Variants in GREB1L observed in about 807,000 individuals in gnomAD.
GREB1L encodes GREB1 like retinoic acid receptor coactivator, also known as GREB1-like protein.
In GREB1L, 17 loss-of-function variants were observed where a neutral mutation model predicts 200.8. That is an observed-to-expected ratio of 0.08 (90% confidence interval 0.06 to 0.13). The LOEUF is 0.13. GREB1L is among the 10% of genes least tolerant of loss of function. GREB1L has a pLI of 1.00. For missense variants in GREB1L, 1,657 were observed against 2,367.7 expected (o/e 0.70, Z 6.23); for synonymous variants, 789 against 893.0 (o/e 0.88, Z 2.08).
At chr18:21,387,133 A>C (rs562737827) in intron 4 of GREB1L, among the ~76,000 whole-genome samples, 2 of 152,266 alleles carry the variant, frequency 1.3e-5, no homozygotes, top group East Asian at 3.9e-4. Context: ...CCCTGCTGGG[A>C]GGCAGTTGAT....
intron 16 of GREB1L, 22 bp from the exon 17 acceptor site, chr18:21,477,142 A>G: frequency 6.6e-7 from 1 of 1,522,646 alleles, no homozygotes; most frequent in African/African-American, 1.4e-5. Context: ...AGGTATTAAT[A>G]TGACTTTCAA....
chr18:21,433,913 A>C (rs1050787527), intron 7 of GREB1L, among the ~76,000 whole-genome samples: 5 of 152,090 alleles, frequency 3.3e-5, no homozygotes, highest in African/African-American at 1.2e-4. Flanking sequence ...GAAAAACTCT[A>C]ATTGGCTTGA....
chr18:21,482,900 A>G (rs1342490614), intron 17 of GREB1L, among the ~76,000 whole-genome samples: 18 of 152,320 alleles, frequency 1.2e-4, no homozygotes. Context: ...CAGACGATTT[A>G]TGATACCTGA....
intron 2 of GREB1L, among the ~76,000 whole-genome samples, chr18:21,372,733 C>A (rs1172551721): frequency 6.6e-6 from 1 of 151,946 alleles, no homozygotes; most frequent in African/African-American, 2.4e-5. Flanking sequence ...ATCAGCCTGA[C>A]CAATATGGAG....
At chr18:21,358,018 G>C (rs1398938270) in intron 1 of GREB1L, among the ~76,000 whole-genome samples, 5 of 152,040 alleles carry the variant, frequency 3.3e-5, no homozygotes, top group Non-Finnish European at 5.9e-5. Flanking sequence ...AATTTTGATA[G>C]GAATTGCATT....
At chr18:21,454,760 A>G (rs2034678415) in intron 15 of GREB1L, 197 bp downstream of exon 15, 1 of 597,882 alleles carries the variant, frequency 1.7e-6, no homozygotes, top group Non-Finnish European at 3.0e-6. Flanking sequence ...CTCAAGGTCA[A>G]GGGTAAATTG....
chr18:21,265,246 G>T (rs867614383), intron 1 of GREB1L, among the ~76,000 whole-genome samples: 1 of 152,252 alleles, frequency 6.6e-6, no homozygotes, highest in South Asian at 2.1e-4. Context: ...TCCCAACTTT[G>T]TGATGCTGTG....
intron 17 of GREB1L, 65 bp downstream of exon 17, chr18:21,477,421 G>A: frequency 1.7e-6 from 2 of 1,188,868 alleles, no homozygotes; most frequent in South Asian, 2.0e-5. Flanking sequence ...GTAGGACCTT[G>A]TAACAAAATG....
In GREB1L at chr18:21,524,853, C is replaced by A. The variant is rs535594235; in HGVS notation, c.*2032C>A. On this transcript the variant is annotated 3_prime_UTR_variant, in exon 33 of 33. Transcript: ENST00000424526. ...CCAGAATAAAGCCAAAAGACCATCACCCCTATAATGGAGAAATTGATCTGC... is the reference window on the plus strand; with the variant it reads ...CCAGAATAAAGCCAAAAGACCATCAACCCTATAATGGAGAAATTGATCTGC... 6.6e-6 allele frequency: 1 copy of A among 152,000 alleles called. No homozygotes were observed. Among genetic ancestry groups the A allele is most frequent in the Non-Finnish European group, 1.5e-5 (1 of 67,998 alleles). The allele number at this position is 152,000 out of a possible 1,614,324, so 9.4% of individuals were successfully genotyped here.
intron 1 of GREB1L, among the ~76,000 whole-genome samples, chr18:21,278,849 G>A (rs2038219625): frequency 1.3e-5 from 2 of 152,054 alleles, no homozygotes; most frequent in South Asian, 4.1e-4. Flanking sequence ...GTTTCATTAA[G>A]AAAAACTCAA....
intron 5 of GREB1L, among the ~76,000 whole-genome samples, chr18:21,397,283 A>T (rs28652646): frequency 0.29 from 43,479 of 151,340 alleles, 7,959 homozygotes; most frequent in African/African-American, 0.47. Flanking sequence ...TCATGAGGTC[A>T]GGAGATCGAG....
At chr18:21,458,814 A>G (rs887020474) in intron 15 of GREB1L, among the ~76,000 whole-genome samples, 1 of 152,200 alleles carries the variant, frequency 6.6e-6, no homozygotes, top group Non-Finnish European at 1.5e-5. Context: ...TTTTTATACT[A>G]TAGGAAATTA....
chr18:21,298,313 A>G (rs901204546), intron 1 of GREB1L, among the ~76,000 whole-genome samples: 1 of 152,072 alleles, frequency 6.6e-6, no homozygotes, highest in African/African-American at 2.4e-5. Flanking sequence ...CTCACTTCCT[A>G]AAATTCTCTT....
At chr18:21,365,261 C>A (rs556061723) in intron 1 of GREB1L, among the ~76,000 whole-genome samples, 116 of 151,908 alleles carry the variant, frequency 7.6e-4, no homozygotes, top group Non-Finnish European at 1.4e-3. Context: ...CTTTTGTTTT[C>A]TTTTTAAACA....
At chr18:21,446,492 C>T (rs945505907) in intron 11 of GREB1L, among the ~76,000 whole-genome samples, 6 of 152,174 alleles carry the variant, frequency 3.9e-5, no homozygotes, top group South Asian at 2.1e-4. Flanking sequence ...TACACAGATT[C>T]TTCTCTGACC....
chr18:21,523,969 G>A lies in GREB1L; in HGVS notation c.*1148G>A, dbSNP rs998898571. The A allele has an allele frequency of 3.9e-5, 6 of 152,082 alleles. No homozygotes were observed. Among genetic ancestry groups the A allele is most frequent in the African/African-American group, 1.4e-4 (6 of 41,412 alleles). The allele number at this position is 152,082 out of a possible 1,614,324, so 9.4% of individuals were successfully genotyped here. A position where few individuals can be genotyped will look rare whatever the true frequency, so the allele number is the denominator to read the frequency against. ...TGTTTGTCCAGTATCGGCAATGGGA[G>A]GCATATGTTTCTACAGATTTCTCAA... On this transcript the variant is annotated 3_prime_UTR_variant, in exon 33 of 33. Coordinates refer to ENST00000424526, the MANE Select transcript of GREB1L (RefSeq NM_001142966.3).
intron 21 of GREB1L, among the ~76,000 whole-genome samples, chr18:21,497,925 G>C (rs1373080795): frequency 2.7e-5 from 4 of 145,964 alleles, no homozygotes; most frequent in African/African-American, 1.0e-4. Flanking sequence ...AGGTTCAAGC[G>C]ATTCTCCTGC....
intron 7 of GREB1L, among the ~76,000 whole-genome samples, chr18:21,421,634 G>C (rs1156728660): frequency 6.6e-6 from 1 of 152,198 alleles, no homozygotes. Flanking sequence ...ATTTAGCAAA[G>C]CATTTGCTGA....
intron 15 of GREB1L, among the ~76,000 whole-genome samples, chr18:21,455,687 A>C (rs986142490): frequency 2.0e-5 from 3 of 151,900 alleles, no homozygotes; most frequent in South Asian, 2.1e-4. Flanking sequence ...AAAAAAAAAA[A>C]ACAAAAAAAC....
Sources: allele counts gnomAD v4.1 joint callset (sites outside exome capture counted in the v4.1 genomes callset), GRCh38; gene constraint gnomAD v4.1.1; transcripts MANE v1.5; gene names NCBI Gene and HGNC (gene_info 2026-07-23, HGNC 2026-07-21).